FAM20B: variants seen among roughly 807,000 people sequenced by gnomAD.
The protein encoded by FAM20B is glycosaminoglycan xylosylkinase.
A neutral mutation model predicts 43.8 loss-of-function variants in FAM20B; 23 were observed. That is an observed-to-expected ratio of 0.53 (90% CI 0.38 to 0.74). The LOEUF (loss-of-function observed/expected upper bound fraction) is 0.74, where lower values mean the gene tolerates loss of function less well. Ranked by LOEUF, FAM20B falls within the 30% of genes least tolerant of loss-of-function variation. FAM20B has a pLI of 0.00. For synonymous variants in FAM20B, 178 were observed against 192.4 expected (o/e 0.93, Z 0.62); for missense variants, 440 against 510.5 (o/e 0.86, Z 1.33).
chr1:179,038,569 C>G (rs1413434080), intron 1 of FAM20B, among the ~76,000 whole-genome samples: 2 of 152,182 alleles, frequency 1.3e-5, no homozygotes, highest in African/African-American at 4.8e-5. Context: ...AAGTGATTGT[C>G]AATACAACTA....
intron 2 of FAM20B, among the ~76,000 whole-genome samples, chr1:179,044,427 A>G (rs1181590104): frequency 1.3e-5 from 2 of 152,154 alleles, no homozygotes; most frequent in Non-Finnish European, 2.9e-5. Flanking sequence ...TGCCCTAAAA[A>G]TCCTCTGTGT....
intron 1 of FAM20B, among the ~76,000 whole-genome samples, chr1:179,030,262 G>T (rs1302017360): frequency 6.6e-6 from 1 of 151,606 alleles, no homozygotes; most frequent in Non-Finnish European, 1.5e-5. Flanking sequence ...TAGTGAACGT[G>T]TGCTCTGTAT....
chr1:179,060,507 T>C (rs1184332734), intron 4 of FAM20B, among the ~76,000 whole-genome samples: 1 of 152,150 alleles, frequency 6.6e-6, no homozygotes, highest in African/African-American at 2.4e-5. Flanking sequence ...TATATTCTCA[T>C]AGGAGCACAA....
chr1:179,072,263 A>G lies in FAM20B; in HGVS notation c.*119A>G, dbSNP rs2025584. The G allele has an allele frequency of 0.66, 494,085 of 753,934 alleles. 165,072 individuals carry two copies. Among genetic ancestry groups the G allele is most frequent in the African/African-American group, 0.88 (50,308 of 56,934 alleles). 46.7% of individuals were successfully genotyped at this position (753,934 alleles called of 1,614,324 possible). ...GCAGCAAGTTCTGGTGACGGGACAG[A>G]GTGGCCTTGGATGTCTTTGGTATTT... On this transcript the variant is annotated 3_prime_UTR_variant, in exon 8 of 8. Coordinates refer to ENST00000263733, the MANE Select transcript of FAM20B (RefSeq NM_014864.4).
intron 1 of FAM20B, among the ~76,000 whole-genome samples, chr1:179,035,147 CACAT>C (rs1650168744): frequency 6.6e-6 from 1 of 152,174 alleles, no homozygotes. Context: ...CCTTGGCAGC[CACAT>C]ACATTGAGAT....
At chr1:179,057,798 C>A (rs1445052941) in intron 4 of FAM20B, among the ~76,000 whole-genome samples, 1 of 130,038 alleles carries the variant, frequency 7.7e-6, no homozygotes, top group Non-Finnish European at 1.5e-5. Flanking sequence ...GTGCGGGAGC[C>A]AGACATGTAC....
At chr1:179,030,960 C>T (rs538654318) in intron 1 of FAM20B, among the ~76,000 whole-genome samples, 1 of 151,946 alleles carries the variant, frequency 6.6e-6, no homozygotes, top group Non-Finnish European at 1.5e-5. Flanking sequence ...CTGGAGCCAC[C>T]TAGCCATAAT....
At position 179,071,908 on chromosome 1, in the gene FAM20B, C is replaced by T. The variant is rs2102530626; in HGVS notation, c.999-5C>T. The T allele has an allele frequency of 1.9e-6, 3 of 1,603,756 alleles. No individual in the cohort carries two copies. Among genetic ancestry groups the T allele is most frequent in the Non-Finnish European group, 2.6e-6 (3 of 1,171,386 alleles). ...TGTACCTTGTTCTATAACTTTTTCT[C>T]CCAGCATTCGGGTGTCCACCTGGAA... On this transcript the variant is annotated splice_region_variant and splice_polypyrimidine_tract_variant and intron_variant, in intron 7 of 7. Coordinates refer to ENST00000263733, the MANE Select transcript of FAM20B (RefSeq NM_014864.4).
At chr1:179,030,955 G>C (rs1649987442) in intron 1 of FAM20B, among the ~76,000 whole-genome samples, 1 of 151,934 alleles carries the variant, frequency 6.6e-6, no homozygotes, top group South Asian at 2.1e-4. Flanking sequence ...CATGCCTGGA[G>C]CCACCTAGCC....
chr1:179,019,072 G>A, the FAM20B span, among the ~76,000 whole-genome samples: 3 of 152,202 alleles, frequency 2.0e-5, no homozygotes, highest in South Asian at 4.1e-4. Flanking sequence ...GAACAGATTG[G>A]ATGCAGTCCA....
chr1:179,030,774 C>G (rs1004760654), intron 1 of FAM20B, among the ~76,000 whole-genome samples: 1 of 151,926 alleles, frequency 6.6e-6, no homozygotes, highest in African/African-American at 2.4e-5. Context: ...TATCAGATGC[C>G]TCTTACAGGC....
intron 1 of FAM20B, among the ~76,000 whole-genome samples, chr1:179,036,079 G>A (rs1483034601): frequency 1.3e-5 from 2 of 152,142 alleles, no homozygotes; most frequent in African/African-American, 2.4e-5. Context: ...GCAGTGAGCC[G>A]AGATAGCACC....
chr1:179,052,365 G>A (rs1176080576), intron 3 of FAM20B, among the ~76,000 whole-genome samples: 1 of 151,900 alleles, frequency 6.6e-6, no homozygotes, highest in Non-Finnish European at 1.5e-5. Context: ...GTTGAAAATG[G>A]CAAAGCTTAA....
upstream of FAM20B, among the ~76,000 whole-genome samples, chr1:179,024,782 C>A (rs1649689955): frequency 6.6e-6 from 1 of 152,186 alleles, no homozygotes; most frequent in African/African-American, 2.4e-5. Context: ...TAATCATACA[C>A]AATAATCTTA....
Position 179,072,051 on chromosome 1 carries a change from C to T in FAM20B, c.1137C>T (p.Leu379=), listed in dbSNP as rs868540133. Reference sequence around the variant, plus strand: ...ATCTGGACGCCGTGGACCAGCGGCTCCTGAGTGTCCTGGCCACCGTGAAGC... The same window carrying T: ...ATCTGGACGCCGTGGACCAGCGGCTTCTGAGTGTCCTGGCCACCGTGAAGC... ...DPHLDAVDQR[L]LSVLATVKQC... The change falls in exon 8 of 8, where the codon CTC becomes CTT. Residue 379 remains leucine, a synonymous_variant. Transcript: ENST00000263733. The T allele has an allele frequency of 6.2e-7, 1 of 1,614,160 alleles. No individual in the cohort carries two copies. The highest frequency in any genetic ancestry group is 8.5e-7 in the Non-Finnish European group (1 of 1,180,048).
intron 1 of FAM20B, among the ~76,000 whole-genome samples, chr1:179,032,491 A>C (rs889888401): frequency 7.2e-5 from 11 of 151,978 alleles, no homozygotes; most frequent in Admixed American, 5.2e-4. Flanking sequence ...TTATATGCAG[A>C]AACTGAGACC....
At chr1:179,054,370 C>T (rs1038395763) in intron 3 of FAM20B, among the ~76,000 whole-genome samples, 159 bp from the exon 4 acceptor site, 2 of 152,160 alleles carry the variant, frequency 1.3e-5, no homozygotes, top group Admixed American at 1.3e-4. Context: ...CACACCTTCA[C>T]ATTAAATTCC....
At chr1:179,048,969 C>G (rs1040872660) in intron 2 of FAM20B, among the ~76,000 whole-genome samples, 2 of 152,192 alleles carry the variant, frequency 1.3e-5, no homozygotes, top group Admixed American at 6.5e-5. Flanking sequence ...TTAGTGGAAC[C>G]TCTCTTCTCC....
chr1:179,035,409 T>C, intron 1 of FAM20B: 1 of 708,810 alleles, frequency 1.4e-6, no homozygotes, highest in Non-Finnish European at 2.6e-6. Context: ...TCCTGACTAC[T>C]TTGCTGTGAA....
Sources: gnomAD v4.1 joint callset for allele counts (sites outside exome capture counted in the v4.1 genomes callset) on GRCh38, gnomAD v4.1.1 for gene constraint, MANE v1.5 for transcripts, NCBI Gene and HGNC (gene_info 2026-07-23, HGNC 2026-07-21) for gene names.